CHKA: variants seen among roughly 807,000 people sequenced by gnomAD.
The protein encoded by CHKA is CHETK-alpha.
Under a neutral mutation model 60.1 loss-of-function variants are expected in CHKA, and 34 were observed. That is an observed-to-expected ratio of 0.57 (90% CI 0.43 to 0.75). The LOEUF is 0.75. Ranked by LOEUF, CHKA falls within the 30% of genes least tolerant of loss-of-function variation. The probability of loss-of-function intolerance (pLI) is 0.00; values close to 1 mark genes in which losing one functional copy is unlikely to be tolerated. For missense variants in CHKA, 563 were observed against 561.3 expected, an observed-to-expected ratio of 1.00 and a Z score of -0.03; for synonymous variants, 217 against 223.1, an observed-to-expected ratio of 0.97 and a Z score of 0.24.
At chr11:68,065,656 G>A (rs541670693) in intron 9 of CHKA, 130 bp downstream of exon 9, 11 of 632,978 alleles carry the variant, frequency 1.7e-5, no homozygotes, top group East Asian at 2.7e-5. Context: ...AGCCATGATC[G>A]CACTACTGCA....
Position 68,081,460 on chromosome 11 carries a change from A to G in CHKA, c.463-3T>C, listed in dbSNP as rs1565181646. 2 of 1,612,144 alleles carry G rather than the reference A, an allele frequency of 1.2e-6. No homozygotes were observed. The highest frequency in any genetic ancestry group is 1.1e-5 in the South Asian group (1 of 91,018). On this transcript the variant is annotated splice_region_variant and splice_polypyrimidine_tract_variant and intron_variant, in intron 2 of 11. Transcript: ENST00000265689. ...GATCCCTCTTTATTACAGGACCTCT[A>G]TGAATGAGAAAAAGGAAACACTTCT...
At chr11:68,069,504 G>C (rs1856547258) in intron 6 of CHKA, among the ~76,000 whole-genome samples, 1 of 151,918 alleles carries the variant, frequency 6.6e-6, no homozygotes, top group South Asian at 2.1e-4. Flanking sequence ...GGCCAACATG[G>C]TGTAACCCCA....
intron 11 of CHKA, among the ~76,000 whole-genome samples, chr11:68,060,120 G>C (rs1467310377): frequency 1.3e-5 from 2 of 149,166 alleles, no homozygotes; most frequent in Non-Finnish European, 3.0e-5. Context: ...TCCGCCTCCT[G>C]GGTTCATGCC....
chr11:68,115,669 C>T (rs1453997878), intron 1 of CHKA, among the ~76,000 whole-genome samples: 1 of 151,948 alleles, frequency 6.6e-6, no homozygotes, highest in East Asian at 1.9e-4. Context: ...AGTGAAATCC[C>T]CCATTTCTAA....
In CHKA at chr11:68,057,343, G is replaced by A. The variant is rs113715981; in HGVS notation, c.1315-3296C>T. 5.9e-3 allele frequency among the ~76,000 whole-genome samples: 901 copies of A among 151,932 alleles called. 7 individuals carry two copies. Among genetic ancestry groups the A allele is most frequent in the African/African-American group, 0.02 (822 of 41,428 alleles). ...CTTTTCTTTTTTTCTTTTTTGAGAC[G>A]GAGTCTCATTCTGTCGCCCAGGCCA... On this transcript the variant is annotated intron_variant, in intron 11 of 11. Coordinates refer to ENST00000265689, the MANE Select transcript of CHKA (RefSeq NM_001277.3).
intron 9 of CHKA, 143 bp from the exon 10 acceptor site, chr11:68,064,774 T>G (rs1350537968): frequency 6.8e-6 from 4 of 592,482 alleles, no homozygotes; most frequent in Non-Finnish European, 8.9e-6. Context: ...ATCCTGGGGC[T>G]GGCACCAGTG....
Position 68,121,304 on chromosome 11 carries a change from G to A in CHKA, c.-127C>T, listed in dbSNP as rs1858642722. The A allele has an allele frequency of 1.0e-5, 7 of 689,128 alleles. No homozygotes were observed. The South Asian group carries it at 3.9e-4, about 39-fold the overall frequency. The allele number at this position is 689,128 out of a possible 1,614,324, so 42.7% of individuals were successfully genotyped here. A position where few individuals can be genotyped will look rare whatever the true frequency, so the allele number is the denominator to read the frequency against. ...GCGGGGCAGGGGGCCGCGGCGGTTG[G>A]GCGCGCGGGGCGGCGGCGGCGGCTG... On this transcript the variant is annotated 5_prime_UTR_variant, in exon 1 of 12. Transcript: ENST00000265689.
intron 1 of CHKA, among the ~76,000 whole-genome samples, chr11:68,113,901 G>T (rs1858278183): frequency 6.6e-6 from 1 of 151,786 alleles, no homozygotes; most frequent in Non-Finnish European, 1.5e-5. Context: ...AGAGACAGGA[G>T]AATCGCTTGA....
rs998065349 is a variant in CHKA, at chr11:68,066,590, G to T, written c.929-74C>A. On this transcript the variant is annotated intron_variant, in intron 7 of 11. Transcript: ENST00000265689. Reference sequence around the variant, plus strand: ...AAGTCCTTGAACAGCAGAGCCGAGAGAATGGATTTGATCCCTTAGGGAATC... The same window carrying T: ...AAGTCCTTGAACAGCAGAGCCGAGATAATGGATTTGATCCCTTAGGGAATC... The T allele has an allele frequency of 3.5e-6, 4 of 1,136,050 alleles. No homozygotes were observed. The African/African-American group carries it at 4.6e-5, about 13-fold the overall frequency. The allele number at this position is 1,136,050 out of a possible 1,614,324, so 70.4% of individuals were successfully genotyped here.
intron 11 of CHKA, chr11:68,061,750 C>T: frequency 3.3e-6 from 2 of 612,434 alleles, no homozygotes; most frequent in Non-Finnish European, 6.1e-6. Context: ...GCAACCACAG[C>T]ATCAGTGACA....
chr11:68,088,110 C>CAAAAAAAAAAAAAAAA (rs55932145), intron 2 of CHKA, among the ~76,000 whole-genome samples: 3 of 71,258 alleles, frequency 4.2e-5, no homozygotes, highest in Non-Finnish European at 7.4e-5. Flanking sequence ...GAGGCTGTCT[C>CAAAAAAAAAAAAAAAA]AAAAAAAAAA....
chr11:68,120,143 C>A (rs1819404698), intron 1 of CHKA, among the ~76,000 whole-genome samples: 1 of 151,288 alleles, frequency 6.6e-6, no homozygotes, highest in Non-Finnish European at 1.5e-5. Flanking sequence ...CAAGGAGAAT[C>A]GCTTGAACAC....
chr11:68,073,831 T>C (rs996418107), intron 4 of CHKA, among the ~76,000 whole-genome samples: 1 of 152,172 alleles, frequency 6.6e-6, no homozygotes, highest in Admixed American at 6.5e-5. Flanking sequence ...ATGGATAAGA[T>C]ATCTCATGCA....
intron 2 of CHKA, 32 bp from the exon 3 acceptor site, chr11:68,081,489 G>A (rs759945818): frequency 8.3e-6 from 13 of 1,559,274 alleles, no homozygotes; most frequent in Non-Finnish European, 1.2e-5. Context: ...CACTTCTGGT[G>A]AGATGGGGAA....
chr11:68,120,998 C>G lies in CHKA; in HGVS notation c.180G>C (p.Pro60=). 8.9e-7 allele frequency: 1 copy of G among 1,117,492 alleles called. No homozygotes were observed. Among genetic ancestry groups the G allele is most frequent in the Non-Finnish European group, 1.1e-6 (1 of 915,382 alleles). 69.2% of individuals were successfully genotyped at this position (1,117,492 alleles called of 1,614,324 possible). A position where few individuals can be genotyped will look rare whatever the true frequency, so the allele number is the denominator to read the frequency against. Reference sequence around the variant, plus strand: ...GCGGCAGCGGCAGCGGCAGCGGCGGCGGAGGGGGCAGCGCGAGCGGCGGCT... The same window carrying G: ...GCGGCAGCGGCAGCGGCAGCGGCGGGGGAGGGGGCAGCGCGAGCGGCGGCT... The part of the protein sequence containing the change: ...GQQPPLALPP[P]PPLPLPLPLP... Residue 60 remains proline, a synonymous_variant, in exon 1 of 12, where the codon CCG becomes CCC. Coordinates refer to ENST00000265689, the MANE Select transcript of CHKA (RefSeq NM_001277.3).
At chr11:68,103,902 G>C (rs1857815740) in intron 1 of CHKA, among the ~76,000 whole-genome samples, 1 of 151,648 alleles carries the variant, frequency 6.6e-6, no homozygotes, top group Admixed American at 6.6e-5. Context: ...GACAGAGCAA[G>C]GCTCAGTCTC....
chr11:68,113,659 C>T (rs1422549570), intron 1 of CHKA, among the ~76,000 whole-genome samples: 1 of 151,934 alleles, frequency 6.6e-6, no homozygotes, highest in Non-Finnish European at 1.5e-5. Context: ...CACACCACTG[C>T]GCTCCAGCCT....
intron 11 of CHKA, among the ~76,000 whole-genome samples, chr11:68,055,255 T>A (rs1041908100): frequency 6.6e-6 from 1 of 152,122 alleles, no homozygotes; most frequent in African/African-American, 2.4e-5. Flanking sequence ...CTGGGTGCGG[T>A]GGCGGGCGCC....
chr11:68,077,798 G>T (rs1238098096), intron 3 of CHKA, among the ~76,000 whole-genome samples: 2 of 152,070 alleles, frequency 1.3e-5, no homozygotes, highest in Non-Finnish European at 1.5e-5. Flanking sequence ...GTATTTCTAA[G>T]GAGGCCACAC....
Sources: gnomAD v4.1 joint callset for allele counts (sites outside exome capture counted in the v4.1 genomes callset) on GRCh38, gnomAD v4.1.1 for gene constraint, MANE v1.5 for transcripts, NCBI Gene and HGNC (gene_info 2026-07-23, HGNC 2026-07-21) for gene names.